Variants in DPYD observed in about 807,000 individuals in gnomAD.
DPYD encodes dihydropyrimidine dehydrogenase.
DPYD carries 109 observed loss-of-function variants against 116.2 expected under a neutral mutation model. That is an observed-to-expected ratio of 0.94 (90% CI 0.80 to 1.10). DPYD has a LOEUF of 1.10. Ranked by LOEUF, DPYD falls within the 50% of genes least tolerant of loss-of-function variation. DPYD has a pLI of 0.00. For synonymous variants in DPYD, 440 were observed against 432.0 expected (o/e 1.02, Z -0.23); for missense variants, 1,302 against 1,254.5 (o/e 1.04, Z -0.57).
intron 20 of DPYD, among the ~76,000 whole-genome samples, chr1:97,102,789 C>A (rs1650839161): frequency 6.6e-6 from 1 of 151,854 alleles, no homozygotes; most frequent in African/African-American, 2.4e-5. Flanking sequence ...TTTTGCTATT[C>A]ATTAAGGGCT....
Position 97,346,149 on chromosome 1 carries a change from CCTTT to C in DPYD, c.2058+27408_2058+27411del, listed in dbSNP as rs1362599070. ...ATTCTTCCTTATTCTTCAGCAACTT[CCTTT>C]GTCAATCTGACATTATATCACAGAG... On this transcript the variant is annotated intron_variant, in intron 16 of 22. Coordinates refer to ENST00000370192, the MANE Select transcript of DPYD (RefSeq NM_000110.4). Among the ~76,000 whole-genome samples the C allele has an allele frequency of 2.0e-5, 3 of 151,902 alleles. No individual in the cohort carries two copies. The East Asian group carries it at 5.8e-4, about 29-fold the overall frequency.
intron 21 of DPYD, among the ~76,000 whole-genome samples, chr1:97,095,601 C>A (rs1650182384): frequency 1.4e-5 from 2 of 147,492 alleles, no homozygotes; most frequent in African/African-American, 2.5e-5. Flanking sequence ...GAGATGATTA[C>A]ACAAATTAAA....
At chr1:97,127,431 C>A (rs1199316900) in intron 20 of DPYD, among the ~76,000 whole-genome samples, 1 of 152,138 alleles carries the variant, frequency 6.6e-6, no homozygotes, top group Admixed American at 6.6e-5. Context: ...CATTGGCTGA[C>A]TCTTGCTTCA....
intron 3 of DPYD, among the ~76,000 whole-genome samples, chr1:97,791,881 A>G (rs1667337015): frequency 6.6e-6 from 1 of 152,228 alleles, no homozygotes; most frequent in Non-Finnish European, 1.5e-5. Context: ...AGAAATATAG[A>G]AAGGAAGTTA....
intron 10 of DPYD, among the ~76,000 whole-genome samples, chr1:97,579,851 T>C (rs1038809519): frequency 6.6e-6 from 1 of 152,234 alleles, no homozygotes; most frequent in African/African-American, 2.4e-5. Flanking sequence ...AGGTTGTCAC[T>C]TTCTTTTTAC....
chr1:97,175,400 G>T (rs1235343758), intron 20 of DPYD, among the ~76,000 whole-genome samples: 1 of 152,164 alleles, frequency 6.6e-6, no homozygotes, highest in Non-Finnish European at 1.5e-5. Context: ...ATGGTGATGT[G>T]CAAGGTCACC....
At chr1:97,213,392 T>C (rs1365095187) in intron 19 of DPYD, among the ~76,000 whole-genome samples, 1 of 152,196 alleles carries the variant, frequency 6.6e-6, no homozygotes, top group Non-Finnish European at 1.5e-5. Flanking sequence ...GACAACATAC[T>C]TAACCTGGCT....
At chr1:97,860,997 T>C (rs895479667) in intron 2 of DPYD, among the ~76,000 whole-genome samples, 1 of 151,992 alleles carries the variant, frequency 6.6e-6, no homozygotes, top group African/African-American at 2.4e-5. Context: ...AAGGCACTTA[T>C]AGAAAACTAA....
intron 5 of DPYD, among the ~76,000 whole-genome samples, chr1:97,712,424 TTTTTA>T (rs1320057910): frequency 1.3e-5 from 2 of 152,078 alleles, no homozygotes; most frequent in East Asian, 1.9e-4. Context: ...ACCGTTGATT[TTTTTA>T]TTTTATCTCC....
At position 97,587,779 on chromosome 1, in the gene DPYD, G is replaced by A. The variant is rs921320455; in HGVS notation, c.1128+5439C>T. On this transcript the variant is annotated intron_variant, in intron 10 of 22. Transcript: ENST00000370192. Reference sequence around the variant, plus strand: ...GCAGAGCCTGCAGTGAGTCGAGATCGCGCCACTGCACTCCAGCCTAGGTGA... The same window carrying A: ...GCAGAGCCTGCAGTGAGTCGAGATCACGCCACTGCACTCCAGCCTAGGTGA... 6.2e-4 allele frequency among the ~76,000 whole-genome samples: 92 copies of A among 147,344 alleles called. 1 individual carries two copies. Among genetic ancestry groups the A allele is most frequent in the African/African-American group, 2.1e-3 (84 of 39,540 alleles).
At chr1:97,649,141 C>T (rs910471107) in intron 8 of DPYD, among the ~76,000 whole-genome samples, 1 of 152,060 alleles carries the variant, frequency 6.6e-6, no homozygotes, top group South Asian at 2.1e-4. Flanking sequence ...TTTATATTTT[C>T]CTATGTTTGC....
chr1:97,633,350 AC>A (rs1260096665), intron 8 of DPYD, among the ~76,000 whole-genome samples: 1 of 152,090 alleles, frequency 6.6e-6, no homozygotes, highest in African/African-American at 2.4e-5. Flanking sequence ...GGGATCTAGA[AC>A]CAGGTTTTCC....
At chr1:97,171,332 T>A (rs1433309047) in intron 20 of DPYD, among the ~76,000 whole-genome samples, 1 of 152,186 alleles carries the variant, frequency 6.6e-6, no homozygotes, top group Non-Finnish European at 1.5e-5. Flanking sequence ...TTATTTCTAC[T>A]ACAACTGACT....
intron 14 of DPYD, among the ~76,000 whole-genome samples, chr1:97,398,667 G>A (rs1301712929): frequency 1.3e-5 from 2 of 152,186 alleles, no homozygotes; most frequent in East Asian, 3.9e-4. Flanking sequence ...ATCTCATTGT[G>A]GTTTTGATTT....
chr1:97,682,816 C>T (rs974151122), intron 7 of DPYD, among the ~76,000 whole-genome samples: 28 of 152,082 alleles, frequency 1.8e-4, no homozygotes, highest in African/African-American at 6.0e-4. Flanking sequence ...CCTCTAATGA[C>T]TTTAGTAACA....
At chr1:97,412,877 G>A (rs905402101) in intron 14 of DPYD, among the ~76,000 whole-genome samples, 3 of 152,116 alleles carry the variant, frequency 2.0e-5, no homozygotes, top group East Asian at 1.9e-4. Context: ...AGAACAGAAA[G>A]GTGTCCTTCC....
chr1:97,385,534 A>AC (rs1672292442), intron 14 of DPYD, among the ~76,000 whole-genome samples: 1 of 150,162 alleles, frequency 6.7e-6, no homozygotes, highest in South Asian at 2.2e-4. Flanking sequence ...TTAAAAAAAA[A>AC]AAAACAAAAT....
intron 16 of DPYD, among the ~76,000 whole-genome samples, chr1:97,364,219 G>A (rs1670907768): frequency 6.6e-6 from 1 of 152,140 alleles, no homozygotes; most frequent in African/African-American, 2.4e-5. Context: ...GTTGGCAAAG[G>A]AAAATTGCAA....
chr1:97,701,894 CT>C (rs940113909), intron 5 of DPYD, among the ~76,000 whole-genome samples: 6 of 151,560 alleles, frequency 4.0e-5, no homozygotes, highest in African/African-American at 1.5e-4. Flanking sequence ...TTGAATTCAC[CT>C]TTTAATATTC....
Sources: allele counts gnomAD v4.1 joint callset (sites outside exome capture counted in the v4.1 genomes callset), GRCh38; gene constraint gnomAD v4.1.1; transcripts MANE v1.5; gene names NCBI Gene and HGNC (gene_info 2026-07-23, HGNC 2026-07-21).